SAMD12: variants seen among roughly 807,000 people sequenced by gnomAD.
SAMD12 encodes sterile alpha motif domain containing 12.
In SAMD12, 9 loss-of-function variants were observed where a neutral mutation model predicts 15.0. The ratio of observed to expected loss-of-function variants is 0.60; its 90% CI spans 0.36 to 1.05. SAMD12 has a LOEUF of 1.05. Among genes scored for constraint, SAMD12 ranks in the 50% least tolerant of loss-of-function variants. The pLI is 0.01. For missense variants in SAMD12, 230 were observed against 234.2 expected (o/e 0.98, Z 0.12); for synonymous variants, 86 against 90.1 (o/e 0.96, Z 0.25).
intron 4 of SAMD12, among the ~76,000 whole-genome samples, chr8:118,311,327 C>T (rs1815620533): frequency 6.6e-6 from 1 of 152,232 alleles, no homozygotes; most frequent in African/African-American, 2.4e-5. Context: ...AAATCTAACC[C>T]ACTACCTTTT....
At chr8:118,211,797 GACT>G (rs1811832817) in intron 4 of SAMD12, among the ~76,000 whole-genome samples, 1 of 152,164 alleles carries the variant, frequency 6.6e-6, no homozygotes, top group African/African-American at 2.4e-5. Context: ...GGTTTCGGGG[GACT>G]ACAACAGCAC....
intron 1 of SAMD12, among the ~76,000 whole-genome samples, chr8:118,594,336 A>C (rs1410303667): frequency 6.6e-6 from 1 of 151,936 alleles, no homozygotes; most frequent in Non-Finnish European, 1.5e-5. Context: ...TTTGGTGTTA[A>C]CCCCATTTTA....
chr8:118,425,498 G>C (rs1822205048), intron 3 of SAMD12, among the ~76,000 whole-genome samples: 3 of 152,234 alleles, frequency 2.0e-5, no homozygotes, highest in Admixed American at 6.5e-5. Flanking sequence ...CAGCCTAGCA[G>C]CACAGTGAGA....
intron 3 of SAMD12, among the ~76,000 whole-genome samples, chr8:118,421,039 A>C (rs527523654): frequency 5.6e-4 from 86 of 152,350 alleles, no homozygotes; most frequent in African/African-American, 2.0e-3. Context: ...TTACAAAAAA[A>C]GTTTGCCTAA....
intron 3 of SAMD12, among the ~76,000 whole-genome samples, chr8:118,424,914 C>T (rs949705355): frequency 1.3e-5 from 2 of 151,444 alleles, no homozygotes; most frequent in South Asian, 2.1e-4. Context: ...TCTGACTTGA[C>T]AGGAAGAGAG....
At chr8:118,527,426 G>C (rs1825563301) in intron 2 of SAMD12, among the ~76,000 whole-genome samples, 1 of 152,120 alleles carries the variant, frequency 6.6e-6, no homozygotes, top group African/African-American at 2.4e-5. Flanking sequence ...ATTTACCATG[G>C]ATCAAGCCTT....
chr8:118,617,272 G>C (rs1586860732), intron 1 of SAMD12, among the ~76,000 whole-genome samples: 1 of 152,244 alleles, frequency 6.6e-6, no homozygotes, highest in Non-Finnish European at 1.5e-5. Flanking sequence ...TGTTTACCGT[G>C]ACTGCTTCTA....
chr8:118,414,967 A>T (rs2130824355), intron 3 of SAMD12, among the ~76,000 whole-genome samples: 1 of 152,324 alleles, frequency 6.6e-6, no homozygotes, highest in East Asian at 1.9e-4. Flanking sequence ...ATAATTTTTC[A>T]AAAGATTGTG....
At chr8:118,434,748 T>A (rs1366670436) in intron 3 of SAMD12, among the ~76,000 whole-genome samples, 2 of 152,202 alleles carry the variant, frequency 1.3e-5, no homozygotes, top group African/African-American at 4.8e-5. Flanking sequence ...CCTAACCTCA[T>A]GATTTCAGTC....
exon 5 of SAMD12, chr8:118,195,624 G>A (rs1368920761): frequency 6.6e-6 from 1 of 152,302 alleles, no homozygotes; most frequent in African/African-American, 2.4e-5. Context: ...CTTCTTCCTA[G>A]GTTACTCTGG....
intron 2 of SAMD12, among the ~76,000 whole-genome samples, chr8:118,569,089 AT>A (rs1826934442): frequency 1.3e-5 from 2 of 152,156 alleles, no homozygotes; most frequent in Non-Finnish European, 2.9e-5. Context: ...GCCATTTGGC[AT>A]TTGGCCAAAA....
chr8:118,508,138 T>G (rs1285691039), intron 2 of SAMD12, among the ~76,000 whole-genome samples: 1 of 150,664 alleles, frequency 6.6e-6, no homozygotes, highest in South Asian at 2.1e-4. Flanking sequence ...GGACTACAGG[T>G]GTGAGCCACT....
At chr8:118,553,127 A>G (rs1240281985) in intron 2 of SAMD12, among the ~76,000 whole-genome samples, 2 of 151,622 alleles carry the variant, frequency 1.3e-5, no homozygotes, top group African/African-American at 2.4e-5. Flanking sequence ...TACAGATTCA[A>G]TGCCATCCCC....
At chr8:118,451,182 C>A (rs916587498) in intron 2 of SAMD12, among the ~76,000 whole-genome samples, 2 of 152,172 alleles carry the variant, frequency 1.3e-5, no homozygotes, top group Non-Finnish European at 2.9e-5. Context: ...GCAGTAATTT[C>A]AAACTTCATG....
chr8:118,305,755 T>C (rs1815314436), intron 4 of SAMD12, among the ~76,000 whole-genome samples: 1 of 152,196 alleles, frequency 6.6e-6, no homozygotes, highest in South Asian at 2.1e-4. Flanking sequence ...GTCACTCACC[T>C]GTTTGCTTTT....
chr8:118,306,738 C>T (rs892075288), intron 4 of SAMD12, among the ~76,000 whole-genome samples: 4 of 152,144 alleles, frequency 2.6e-5, no homozygotes, highest in South Asian at 2.1e-4. Context: ...GAATCCTAAC[C>T]GATTCAGGAT....
intron 3 of SAMD12, among the ~76,000 whole-genome samples, chr8:118,399,474 C>G (rs1820762998): frequency 6.6e-6 from 1 of 152,112 alleles, no homozygotes; most frequent in South Asian, 2.1e-4. Context: ...GGTCATGTCT[C>G]TCTTCCTGTG....
At chr8:118,426,672 T>G (rs917552455) in intron 3 of SAMD12, among the ~76,000 whole-genome samples, 1 of 152,218 alleles carries the variant, frequency 6.6e-6, no homozygotes, top group Non-Finnish European at 1.5e-5. Context: ...ATTTTGAATT[T>G]AGAGTATCGA....
chr8:118,160,395 A>G, the SAMD12 span, among the ~76,000 whole-genome samples: 90 of 152,334 alleles, frequency 5.9e-4, 1 homozygote, highest in African/African-American at 2.1e-3. Context: ...AGCCAAATCA[A>G]TTTTCAAAAC....
Sources: gnomAD v4.1 joint callset for allele counts (sites outside exome capture counted in the v4.1 genomes callset) on GRCh38, gnomAD v4.1.1 for gene constraint, MANE v1.5 for transcripts, NCBI Gene and HGNC (gene_info 2026-07-23, HGNC 2026-07-21) for gene names.